BUB1: variants seen among roughly 807,000 people sequenced by gnomAD.
BUB1 encodes the protein mitotic checkpoint serine/threonine-protein kinase BUB1.
In BUB1, 84 loss-of-function variants were observed where a neutral mutation model predicts 135.2. That is an observed-to-expected ratio of 0.62 (90% CI 0.52 to 0.74). The LOEUF is 0.74. Ranked by LOEUF, BUB1 falls within the 30% of genes least tolerant of loss-of-function variation. The pLI is 0.00. For synonymous variants in BUB1, 403 were observed against 434.4 expected, an observed-to-expected ratio of 0.93 and a Z score of 0.90; for missense variants, 1,162 against 1,288.3, an observed-to-expected ratio of 0.90 and a Z score of 1.50.
At chr2:110,669,890 C>G (rs1179003910) in intron 5 of BUB1, among the ~76,000 whole-genome samples, 1 of 152,006 alleles carries the variant, frequency 6.6e-6, no homozygotes, top group East Asian at 1.9e-4. Flanking sequence ...GCATTAAACA[C>G]ATTTGATTCC....
Position 110,661,884 on chromosome 2 carries a change from G to C in BUB1, c.958-43C>G, listed in dbSNP as rs778150479. 1.4e-5 allele frequency: 23 copies of C among 1,599,230 alleles called. No homozygotes were observed. The South Asian group carries it at 2.6e-4, about 18-fold the overall frequency. On this transcript the variant is annotated intron_variant, in intron 9 of 24. Coordinates refer to ENST00000302759, the MANE Select transcript of BUB1 (RefSeq NM_004336.5). ...CAAACAACAAAAACAAAACCATGAA[G>C]TCCAGAATACTACTAATCAGGCATT...
chr2:110,667,357 C>T lies in BUB1; in HGVS notation c.805+164G>A, dbSNP rs754825303. 9.9e-5 allele frequency among the ~76,000 whole-genome samples: 15 copies of T among 151,984 alleles called. 1 individual carries two copies. Among genetic ancestry groups the T allele is most frequent in the South Asian group, 8.3e-4 (4 of 4,818 alleles). On this transcript the variant is annotated intron_variant, in intron 8 of 24. Transcript: ENST00000302759. ...GCCAGCGCAGTTTTCTCGGGGCAAA[C>T]GCAAAATGGGTTAATAATGATTTCT...
chr2:110,666,085 G>T, intron 9 of BUB1, 178 bp downstream of exon 9: 1 of 523,434 alleles, frequency 1.9e-6, no homozygotes, highest in Non-Finnish European at 2.9e-6. Flanking sequence ...ATTCTGTTTT[G>T]TAACTTTCCA....
intron 11 of BUB1, 71 bp from the exon 12 acceptor site, chr2:110,658,813 A>T (rs1690004224): frequency 1.3e-6 from 2 of 1,568,774 alleles, no homozygotes; most frequent in South Asian, 2.3e-5. Context: ...CACACAATTT[A>T]AGTAAGTTAC....
chr2:110,640,012 A>G (rs891542211), intron 23 of BUB1, 164 bp from the exon 24 acceptor site: 13 of 699,822 alleles, frequency 1.9e-5, no homozygotes, highest in Non-Finnish European at 3.4e-5. Flanking sequence ...GTCTTACTGA[A>G]TATCTAGGCT....
chr2:110,639,937 A>C, intron 23 of BUB1, 89 bp from the exon 24 acceptor site: 1 of 1,065,190 alleles, frequency 9.4e-7, no homozygotes. Context: ...CAGCAAGTTA[A>C]ATACTCACAG....
At chr2:110,677,880 G>T in intron 1 of BUB1, 90 bp downstream of exon 1, 1 of 1,442,836 alleles carries the variant, frequency 6.9e-7, no homozygotes, top group Non-Finnish European at 9.4e-7. Context: ...GGCGAAGGGG[G>T]CAAAAGAAGG....
At chr2:110,653,286 A>C in intron 17 of BUB1, 150 bp downstream of exon 17, 1 of 704,818 alleles carries the variant, frequency 1.4e-6, no homozygotes, top group Non-Finnish European at 2.4e-6. Context: ...TTCTGACTTA[A>C]AGCTACTAGT....
chr2:110,669,612 T>C, intron 5 of BUB1, 59 bp from the exon 6 acceptor site: 1 of 1,083,366 alleles, frequency 9.2e-7, no homozygotes, highest in South Asian at 1.3e-5. Flanking sequence ...TAAGTAAAAT[T>C]ATCACATAAT....
rs960907450 is a variant in BUB1 at position 110,637,733 on chromosome 2, T to G, written c.*231A>C. The G allele has an allele frequency of 5.7e-6, 2 of 352,330 alleles. No individual in the cohort carries two copies. Among genetic ancestry groups the G allele is most frequent in the African/African-American group, 4.2e-5 (2 of 47,630 alleles). 21.8% of individuals were successfully genotyped at this position (352,330 alleles called of 1,614,324 possible). A position where few individuals can be genotyped will look rare whatever the true frequency, so the allele number is the denominator to read the frequency against. Reference sequence around the variant, plus strand: ...CTAGAGAATGCTCATGTCTGAATTATTCTCACAAATGCTTGCATCCCAGAA... The same window carrying G: ...CTAGAGAATGCTCATGTCTGAATTAGTCTCACAAATGCTTGCATCCCAGAA... On this transcript the variant is annotated 3_prime_UTR_variant, in exon 25 of 25. Transcript: ENST00000302759.
intron 13 of BUB1, 65 bp downstream of exon 13, chr2:110,658,345 C>A (rs1689987712): frequency 1.2e-5 from 16 of 1,333,200 alleles, no homozygotes; most frequent in Non-Finnish European, 3.1e-6. Flanking sequence ...TTAAATAATT[C>A]TTGATATTTT....
intron 1 of BUB1, chr2:110,676,674 G>T (rs1690596943): frequency 6.6e-6 from 1 of 151,976 alleles, no homozygotes; most frequent in Non-Finnish European, 1.5e-5. Context: ...AGATCTCCAG[G>T]GATATTGTTA....
Position 110,678,044 on chromosome 2 carries a change from A to C in BUB1, c.-49T>G, listed in dbSNP as rs1451741036. 6 of 1,570,404 alleles carry C rather than the reference A, an allele frequency of 3.8e-6. No individual in the cohort carries two copies. Among genetic ancestry groups the C allele is most frequent in the Non-Finnish European group, 5.2e-6 (6 of 1,160,878 alleles). ...CGGCCAAACCTGAACCGCAAACTAG[A>C]AGCCGCCGCCGATTCGAATACCCCG... On this transcript the variant is annotated 5_prime_UTR_variant, in exon 1 of 25. Coordinates refer to ENST00000302759, the MANE Select transcript of BUB1 (RefSeq NM_004336.5).
chr2:110,642,247 T>C lies in BUB1; in HGVS notation c.2348-13A>G, dbSNP rs762664403. On this transcript the variant is annotated splice_polypyrimidine_tract_variant and intron_variant, in intron 19 of 24. Transcript: ENST00000302759. ...ACCAGCTTAGAACCTTAGAAGATAA[T>C]TGAAAATTTTAATTTATGTACGCCT... 1.4e-5 allele frequency: 22 copies of C among 1,537,888 alleles called. No homozygotes were observed. Among genetic ancestry groups the C allele is most frequent in the Admixed American group, 2.1e-5 (1 of 48,680 alleles).
At position 110,648,620 on chromosome 2, in the gene BUB1, A is replaced by C. The variant is rs1689704907; in HGVS notation, c.2347+614T>G. Among the ~76,000 whole-genome samples the C allele has an allele frequency of 6.6e-6, 1 of 152,240 alleles. No individual in the cohort carries two copies. Among genetic ancestry groups the C allele is most frequent in the African/African-American group, 2.4e-5 (1 of 41,468 alleles). ...ACCACACTCATGCAAGATGTTAGTA[A>C]CACGAAAATCTGTGTGTGTATATAT... On this transcript the variant is annotated intron_variant, in intron 19 of 24. Coordinates refer to ENST00000302759, the MANE Select transcript of BUB1 (RefSeq NM_004336.5). The surrounding 1 kb of genome is among the most constrained non-coding windows in gnomAD (Gnocchi z 4.2).
chr2:110,639,434 A>C (rs943568055), intron 24 of BUB1, among the ~76,000 whole-genome samples: 1 of 151,834 alleles, frequency 6.6e-6, no homozygotes, highest in African/African-American at 2.4e-5. Flanking sequence ...AGAAAAAACC[A>C]GTGAGAACCT....
chr2:110,678,038 A>C lies in BUB1; in HGVS notation c.-43T>G. The C allele has an allele frequency of 6.3e-7, 1 of 1,580,792 alleles. No individual in the cohort carries two copies. The highest frequency in any genetic ancestry group is 8.6e-7 in the Non-Finnish European group (1 of 1,166,140). On this transcript the variant is annotated 5_prime_UTR_variant, in exon 1 of 25. Transcript: ENST00000302759. ...CGGCAGCGGCCAAACCTGAACCGCAAACTAGAAGCCGCCGCCGATTCGAAT... is the reference window on the plus strand; with the variant it reads ...CGGCAGCGGCCAAACCTGAACCGCACACTAGAAGCCGCCGCCGATTCGAAT...
chr2:110,667,998 C>A, intron 6 of BUB1, 149 bp from the exon 7 acceptor site: 1 of 668,688 alleles, frequency 1.5e-6, no homozygotes. Flanking sequence ...TGATTAATAT[C>A]AAAAGATTGT....
At chr2:110,646,321 G>A (rs956973699) in intron 19 of BUB1, among the ~76,000 whole-genome samples, 8 of 140,802 alleles carry the variant, frequency 5.7e-5, no homozygotes, top group African/African-American at 2.1e-4. Flanking sequence ...GGATGACAGA[G>A]TGATACCCTG....
Sources: allele counts gnomAD v4.1 joint callset (sites outside exome capture counted in the v4.1 genomes callset), GRCh38; gene constraint gnomAD v4.1.1; non-coding constraint Gnocchi (gnomAD v3.1); transcripts MANE v1.5; gene names NCBI Gene and HGNC (gene_info 2026-07-23, HGNC 2026-07-21).